DPP6: variants seen among roughly 807,000 people sequenced by gnomAD.
DPP6 encodes dipeptidyl peptidase like 6.
Under a neutral mutation model 122.6 loss-of-function variants are expected in DPP6, and 69 were observed. The ratio of observed to expected loss-of-function variants is 0.56; its 90% confidence interval spans 0.46 to 0.69. DPP6 has a LOEUF of 0.69. Among genes scored for constraint, DPP6 ranks in the 30% least tolerant of loss-of-function variants. The pLI, the probability that DPP6 is intolerant of heterozygous loss-of-function variation, is 0.00. For missense variants in DPP6, 928 were observed against 1,116.9 expected, an observed-to-expected ratio of 0.83 and a Z score of 2.41; for synonymous variants, 418 against 433.1, an observed-to-expected ratio of 0.97 and a Z score of 0.43.
At chr7:153,874,021 C>T in the DPP6 span, among the ~76,000 whole-genome samples, 127 of 152,234 alleles carry the variant, frequency 8.3e-4, no homozygotes, top group African/African-American at 2.9e-3. Context: ...GGACGAAAGC[C>T]CAGACTGTAA....
chr7:154,859,576 G>A (rs993144642), intron 17 of DPP6, among the ~76,000 whole-genome samples: 3 of 152,170 alleles, frequency 2.0e-5, no homozygotes, highest in African/African-American at 7.2e-5. Context: ...AAACCACCCT[G>A]GGAATATTTG....
chr7:154,142,567 A>T lies in DPP6; in HGVS notation c.243+89504A>T, dbSNP rs553657891. ...CATCTTTAAGATACAGTTTTCATCA[A>T]TATATTTTCAATGTTTATACATGTT... On this transcript the variant is annotated intron_variant, in intron 1 of 25. Coordinates refer to ENST00000377770, the MANE Select transcript of DPP6 (RefSeq NM_130797.4). 3.3e-5 allele frequency among the ~76,000 whole-genome samples: 5 copies of T among 152,248 alleles called. No individual in the cohort carries two copies. In the South Asian group the frequency reaches 1.0e-3, roughly 32 times the overall value.
chr7:154,123,747 G>A (rs1476557981), intron 1 of DPP6, among the ~76,000 whole-genome samples: 8 of 134,678 alleles, frequency 5.9e-5, no homozygotes, highest in African/African-American at 1.6e-4. Context: ...CTGCCCGCTC[G>A]TGGGGCTTAC....
intron 1 of DPP6, among the ~76,000 whole-genome samples, chr7:153,907,833 A>T (rs769502971): frequency 6.6e-6 from 1 of 152,138 alleles, no homozygotes; most frequent in African/African-American, 2.4e-5. Flanking sequence ...AAATCTTTCT[A>T]TATACGTATG....
chr7:154,128,465 G>C (rs1454833589), intron 1 of DPP6, among the ~76,000 whole-genome samples: 1 of 152,110 alleles, frequency 6.6e-6, no homozygotes, highest in African/African-American at 2.4e-5. Flanking sequence ...GCAGTGGTAC[G>C]ATCTCAGCTC....
At chr7:154,742,762 G>A (rs879373234) in intron 8 of DPP6, among the ~76,000 whole-genome samples, 4 of 152,222 alleles carry the variant, frequency 2.6e-5, no homozygotes, top group African/African-American at 7.2e-5. Flanking sequence ...CAAAGAAGGC[G>A]GGCATGGGCC....
At position 154,891,027 on chromosome 7, in the gene DPP6, G is replaced by A. The variant is rs117047726; in HGVS notation, c.2452-1307G>A. 9.6e-3 allele frequency: 1,462 copies of A among 152,258 alleles called. 51 individuals are homozygous for A. In the East Asian group the frequency reaches 0.14, roughly 14 times the overall value. The allele number at this position is 152,258 out of a possible 1,614,324, so 9.4% of individuals were successfully genotyped here. On this transcript the variant is annotated intron_variant, in intron 25 of 25. Coordinates refer to ENST00000377770, the MANE Select transcript of DPP6 (RefSeq NM_130797.4). Reference sequence around the variant, plus strand: ...GGGATTGCCTTGAGCTCAGGAGTTTGAGACCAGCCTAGGCAACAGAGCAAG... The same window carrying A: ...GGGATTGCCTTGAGCTCAGGAGTTTAAGACCAGCCTAGGCAACAGAGCAAG...
chr7:154,185,376 A>T lies in DPP6; in HGVS notation c.243+132313A>T, dbSNP rs567349887. On this transcript the variant is annotated intron_variant, in intron 1 of 25. Coordinates refer to ENST00000377770, the MANE Select transcript of DPP6 (RefSeq NM_130797.4). The stretch of plus-strand genomic sequence containing the variant: ...GCAACAAGTAAAGAATTCTTTCCTG[A>T]ATAGTTATTCTACTTGGGATTCAGG... 4.2e-4 allele frequency among the ~76,000 whole-genome samples: 64 copies of T among 152,244 alleles called. No homozygotes were observed. The South Asian group carries it at 0.012, about 28-fold the overall frequency.
intron 1 of DPP6, among the ~76,000 whole-genome samples, chr7:154,430,887 G>C (rs1319248071): frequency 8.7e-6 from 1 of 114,572 alleles, no homozygotes; most frequent in East Asian, 2.6e-4. Context: ...TGACTCATTC[G>C]AATGTTTCTT....
rs1563327435 is a variant in DPP6 at position 154,885,614 on chromosome 7, C to T, written c.2134-19C>T. Reference sequence around the variant, plus strand: ...TACTGCCAGGACTCCTAACTGTCTTCTCTCTGCGCTTTCTCCAGGATTACG... The same window carrying T: ...TACTGCCAGGACTCCTAACTGTCTTTTCTCTGCGCTTTCTCCAGGATTACG... On this transcript the variant is annotated intron_variant, in intron 21 of 25. Coordinates refer to ENST00000377770, the MANE Select transcript of DPP6 (RefSeq NM_130797.4). 1 of 1,555,688 alleles carries T rather than the reference C, an allele frequency of 6.4e-7. No individual in the cohort carries two copies. Among genetic ancestry groups the T allele is most frequent in the South Asian group, 1.2e-5 (1 of 84,102 alleles).
At chr7:154,022,376 G>A (rs1266993640) in intron 1 of DPP6, among the ~76,000 whole-genome samples, 1 of 152,184 alleles carries the variant, frequency 6.6e-6, no homozygotes, top group Non-Finnish European at 1.5e-5. Context: ...GAGAGTAGGG[G>A]ACACTTGCAT....
chr7:153,898,564 G>A (rs891574582), intron 1 of DPP6, among the ~76,000 whole-genome samples: 1 of 152,170 alleles, frequency 6.6e-6, no homozygotes, highest in African/African-American at 2.4e-5. Flanking sequence ...AATATCACAT[G>A]TACCTCATAA....
chr7:154,352,639 C>T (rs1810963270), intron 1 of DPP6, among the ~76,000 whole-genome samples: 1 of 150,828 alleles, frequency 6.6e-6, no homozygotes, highest in Non-Finnish European at 1.5e-5. Flanking sequence ...AACACATGGA[C>T]ACAGGGAGGG....
the DPP6 span, among the ~76,000 whole-genome samples, chr7:153,851,772 C>T: frequency 6.6e-6 from 1 of 152,038 alleles, no homozygotes; most frequent in African/African-American, 2.4e-5. Flanking sequence ...TCATATAGTA[C>T]TAATATCACA....
chr7:154,812,778 T>C (rs1799154477), intron 16 of DPP6, among the ~76,000 whole-genome samples: 1 of 152,210 alleles, frequency 6.6e-6, no homozygotes, highest in Admixed American at 6.5e-5. Context: ...ACAGTATTTC[T>C]ATTTCGTTAG....
chr7:154,589,199 A>G (rs1832657924), intron 5 of DPP6, among the ~76,000 whole-genome samples: 1 of 152,170 alleles, frequency 6.6e-6, no homozygotes, highest in Non-Finnish European at 1.5e-5. Flanking sequence ...GCATGAATGT[A>G]CGCTTTTTCA....
chr7:154,801,516 T>C, intron 13 of DPP6, 54 bp downstream of exon 13: 1 of 1,515,548 alleles, frequency 6.6e-7, no homozygotes, highest in Middle Eastern at 2.2e-4. Flanking sequence ...CTAGAGGCCG[T>C]GGGGTGACAG....
chr7:154,539,776 T>C (rs1356274131), intron 3 of DPP6, among the ~76,000 whole-genome samples: 8 of 145,646 alleles, frequency 5.5e-5, no homozygotes, highest in Admixed American at 5.4e-4. Context: ...GAAATAAACA[T>C]TTTTTTAAAT....
At position 154,770,813 on chromosome 7, in the gene DPP6, G is replaced by A. The variant is rs1796206660; in HGVS notation, c.1038+1242G>A. 1.3e-5 allele frequency among the ~76,000 whole-genome samples: 2 copies of A among 152,236 alleles called. 1 individual carries two copies. Among genetic ancestry groups the A allele is most frequent in the Admixed American group, 1.3e-4 (2 of 15,288 alleles). On this transcript the variant is annotated intron_variant, in intron 9 of 25. Coordinates refer to ENST00000377770, the MANE Select transcript of DPP6 (RefSeq NM_130797.4). ...ACCAAATCAAAGCATCCCAGTGTGAGTGGAGGGCCTGATACTAAAACCTCC... is the reference window on the plus strand; with the variant it reads ...ACCAAATCAAAGCATCCCAGTGTGAATGGAGGGCCTGATACTAAAACCTCC...
Sources: gnomAD v4.1 joint callset for allele counts (sites outside exome capture counted in the v4.1 genomes callset) on GRCh38, gnomAD v4.1.1 for gene constraint, MANE v1.5 for transcripts, NCBI Gene and HGNC (gene_info 2026-07-23, HGNC 2026-07-21) for gene names.